Variants in SRPK1 observed in about 807,000 individuals in gnomAD.
The protein encoded by SRPK1 is SFRS protein kinase 1.
Under a neutral mutation model 89.5 loss-of-function variants are expected in SRPK1, and 52 were observed. That is an observed-to-expected ratio of 0.58 (90% CI 0.46 to 0.73). The LOEUF is 0.73. Ranked by LOEUF, SRPK1 falls within the 30% of genes least tolerant of loss-of-function variation. SRPK1 has a pLI of 0.00. For missense variants in SRPK1, 603 were observed against 780.6 expected, an observed-to-expected ratio of 0.77 and a Z score of 2.71; for synonymous variants, 255 against 270.2, an observed-to-expected ratio of 0.94 and a Z score of 0.55.
intron 12 of SRPK1, among the ~76,000 whole-genome samples, chr6:35,863,991 C>T (rs1305733380): frequency 6.6e-6 from 1 of 152,012 alleles, no homozygotes; most frequent in Non-Finnish European, 1.5e-5. Flanking sequence ...TACCCATATG[C>T]AGAAAAATGA....
chr6:35,882,112 GTAGTAC>G (rs1582015766), intron 6 of SRPK1, among the ~76,000 whole-genome samples: 1 of 118,258 alleles, frequency 8.5e-6, no homozygotes, highest in African/African-American at 3.3e-5. Flanking sequence ...AATAGTAGTA[GTAGTAC>G]TAGTAGTAGT....
At chr6:35,887,133 A>G (rs1254276744) in intron 5 of SRPK1, among the ~76,000 whole-genome samples, 2 of 152,244 alleles carry the variant, frequency 1.3e-5, no homozygotes, top group Non-Finnish European at 2.9e-5. Flanking sequence ...AATCAACTAC[A>G]GCACTAACCA....
intron 2 of SRPK1, 79 bp from the exon 3 acceptor site, chr6:35,891,092 A>G: frequency 6.8e-7 from 1 of 1,465,788 alleles, no homozygotes; most frequent in Non-Finnish European, 9.0e-7. Context: ...CTCCCCACAA[A>G]AAACTAAACT....
intron 9 of SRPK1, 60 bp downstream of exon 9, chr6:35,870,874 G>T: frequency 7.2e-7 from 1 of 1,395,474 alleles, no homozygotes; most frequent in Non-Finnish European, 9.8e-7. Context: ...ATCCACAACA[G>T]AAGAACCCAT....
chr6:35,883,444 T>A (rs1224354069), intron 6 of SRPK1, among the ~76,000 whole-genome samples: 1 of 146,148 alleles, frequency 6.8e-6, no homozygotes, highest in Non-Finnish European at 1.5e-5. Flanking sequence ...AAAACAAGAT[T>A]ATTTAAAATG....
Position 35,877,857 on chromosome 6 carries a change from G to C in SRPK1, c.479-3518C>G, listed in dbSNP as rs918379145. Among the ~76,000 whole-genome samples the C allele has an allele frequency of 3.3e-4, 49 of 147,132 alleles. 1 individual carries two copies. Among genetic ancestry groups the C allele is most frequent in the Non-Finnish European group, 1.5e-4 (10 of 66,742 alleles). The stretch of plus-strand genomic sequence containing the variant: ...GACTCCGTCTCAAAAAAAAAAAAAA[G>C]ACTTGAAAATGAACTTCCAGAGACA... On this transcript the variant is annotated intron_variant, in intron 6 of 15. Transcript: ENST00000373825.
intron 8 of SRPK1, 127 bp downstream of exon 8, chr6:35,872,436 G>A (rs1770053196): frequency 2.3e-6 from 2 of 874,988 alleles, no homozygotes; most frequent in Non-Finnish European, 3.2e-6. Context: ...CTTGGAAGCT[G>A]ATAATGTTTC....
chr6:35,861,561 G>A (rs190391031), intron 12 of SRPK1, among the ~76,000 whole-genome samples: 17 of 152,332 alleles, frequency 1.1e-4, no homozygotes, highest in African/African-American at 3.1e-4. Context: ...ATGGGCTGCC[G>A]GTGAGACCAA....
intron 12 of SRPK1, among the ~76,000 whole-genome samples, chr6:35,866,250 A>G (rs1769900428): frequency 6.6e-6 from 1 of 152,124 alleles, no homozygotes; most frequent in African/African-American, 2.4e-5. Context: ...GACTTCTTAC[A>G]CACTCTTGGT....
intron 11 of SRPK1, among the ~76,000 whole-genome samples, 160 bp downstream of exon 11, chr6:35,869,322 T>C (rs548285883): frequency 2.0e-5 from 3 of 152,328 alleles, no homozygotes; most frequent in Admixed American, 1.3e-4. Context: ...GTGTACTCAG[T>C]ACATGATGGA....
intron 13 of SRPK1, among the ~76,000 whole-genome samples, chr6:35,848,678 T>C (rs1769474771): frequency 6.6e-6 from 1 of 152,124 alleles, no homozygotes; most frequent in African/African-American, 2.4e-5. Context: ...AGGAACAATA[T>C]AGAGAGCCCA....
At chr6:35,837,868 C>CTT (rs796327113) in intron 15 of SRPK1, among the ~76,000 whole-genome samples, 211 of 137,996 alleles carry the variant, frequency 1.5e-3, no homozygotes, top group Non-Finnish European at 2.0e-3. Context: ...CCAGTCTCTG[C>CTT]TTTTTTTTTT....
chr6:35,904,513 G>T (rs375692985), intron 2 of SRPK1, among the ~76,000 whole-genome samples: 138 of 152,296 alleles, frequency 9.1e-4, no homozygotes, highest in Middle Eastern at 6.8e-3. Context: ...TTTAAATAAA[G>T]TCGTGGGCTG....
chr6:35,876,417 C>A (rs1447630400), intron 6 of SRPK1, among the ~76,000 whole-genome samples: 1 of 152,014 alleles, frequency 6.6e-6, no homozygotes, highest in East Asian at 1.9e-4. Context: ...CAGATAGATC[C>A]CTTGAGCCCA....
At chr6:35,866,808 T>A (rs938456213) in intron 12 of SRPK1, among the ~76,000 whole-genome samples, 2 of 152,192 alleles carry the variant, frequency 1.3e-5, no homozygotes, top group South Asian at 4.1e-4. Flanking sequence ...AAATGTGGTA[T>A]GGAATGAACA....
At chr6:35,864,187 C>A (rs1769845883) in intron 12 of SRPK1, among the ~76,000 whole-genome samples, 1 of 151,984 alleles carries the variant, frequency 6.6e-6, no homozygotes, top group African/African-American at 2.4e-5. Context: ...CAAAAATGGA[C>A]AAATGGGATC....
At chr6:35,885,298 CAGAGAG>C (rs138504486) in intron 6 of SRPK1, among the ~76,000 whole-genome samples, 3,373 of 112,796 alleles carry the variant, frequency 0.03, 80 homozygotes, top group Admixed American at 0.082. Context: ...CACACACACA[CAGAGAG>C]AGAGAGAGAG....
chr6:35,920,173 AG>A (rs1771198930), intron 2 of SRPK1: 1 of 536,876 alleles, frequency 1.9e-6, no homozygotes, highest in Non-Finnish European at 3.6e-6. Flanking sequence ...GGTCCAAGCT[AG>A]GGGAGTTTGT....
At chr6:35,841,569 C>T (rs1321318372) in intron 14 of SRPK1, among the ~76,000 whole-genome samples, 1 of 152,028 alleles carries the variant, frequency 6.6e-6, no homozygotes, top group East Asian at 1.9e-4. Context: ...CGTGATGGCT[C>T]ACGCCTGTAA....
Sources: allele counts gnomAD v4.1 joint callset (sites outside exome capture counted in the v4.1 genomes callset), GRCh38; gene constraint gnomAD v4.1.1; transcripts MANE v1.5; gene names NCBI Gene and HGNC (gene_info 2026-07-23, HGNC 2026-07-21).